GPATCH11: variants seen among roughly 807,000 people sequenced by gnomAD.
GPATCH11 encodes the protein G-patch domain containing 11.
A neutral mutation model predicts 44.8 loss-of-function variants in GPATCH11; 32 were observed. That is an observed-to-expected ratio of 0.71 (90% CI 0.54 to 0.96). The LOEUF is 0.96. GPATCH11 is among the 40% of genes least tolerant of loss of function. The pLI is 0.00. For missense variants in GPATCH11, 324 were observed against 303.1 expected, an observed-to-expected ratio of 1.07 and a Z score of -0.51; for synonymous variants, 84 against 94.4, an observed-to-expected ratio of 0.89 and a Z score of 0.64.
intron 7 of GPATCH11, among the ~76,000 whole-genome samples, chr2:37,094,942 C>CA (rs200157191): frequency 0.02 from 1,333 of 65,380 alleles, 15 homozygotes; most frequent in African/African-American, 0.048. Context: ...CCCTGTCTCA[C>CA]AAAAAAAAAA....
chr2:37,089,178 G>A (rs1673185899), intron 2 of GPATCH11, among the ~76,000 whole-genome samples: 1 of 152,116 alleles, frequency 6.6e-6, no homozygotes, highest in South Asian at 2.1e-4. Context: ...CATTCTTAGA[G>A]GTCACTGATT....
At chr2:37,093,504 TTGAA>T (rs1367454605) in intron 6 of GPATCH11, among the ~76,000 whole-genome samples, 1 of 152,200 alleles carries the variant, frequency 6.6e-6, no homozygotes, top group Non-Finnish European at 1.5e-5. Context: ...TTACTTTACT[TTGAA>T]TGTATTTCAT....
chr2:37,092,427 A>AT (rs934796170), intron 6 of GPATCH11, among the ~76,000 whole-genome samples, 172 bp downstream of exon 6: 1 of 145,050 alleles, frequency 6.9e-6, no homozygotes, highest in Non-Finnish European at 1.5e-5. Context: ...ATATTTATAT[A>AT]TTTTTTACAT....
At position 37,088,355 on chromosome 2, in the gene GPATCH11, T is replaced by TA. The variant is rs1673143883; in HGVS notation, c.-13-13dup. 1.5e-6 allele frequency: 2 copies of TA among 1,330,004 alleles called. No homozygotes were observed. Among genetic ancestry groups the TA allele is most frequent in the Non-Finnish European group, 2.1e-6 (2 of 964,442 alleles). The allele number at this position is 1,330,004 out of a possible 1,614,324, so 82.4% of individuals were successfully genotyped here. On this transcript the variant is annotated splice_polypyrimidine_tract_variant and intron_variant, in intron 1 of 8. Coordinates refer to ENST00000674370, the MANE Select transcript of GPATCH11 (RefSeq NM_174931.4). Reference sequence around the variant, plus strand: ...ATAAACTAAAAAAAAAAGTAATTATTACTTTATTTGTAGATACTATAGCCA... The same window carrying TA: ...ATAAACTAAAAAAAAAAGTAATTATTAACTTTATTTGTAGATACTATAGCCA...
intron 3 of GPATCH11, 22 bp downstream of exon 3, chr2:37,089,888 A>G (rs1673235419): frequency 2.7e-6 from 4 of 1,491,774 alleles, no homozygotes; most frequent in Non-Finnish European, 3.7e-6. Flanking sequence ...GTGGAAATAA[A>G]CAGGTATTCC....
chr2:37,089,733 G>A lies in GPATCH11; in HGVS notation c.153G>A (p.Arg51=). The A allele has an allele frequency of 3.9e-6, 6 of 1,551,882 alleles. No individual in the cohort carries two copies. Among genetic ancestry groups the A allele is most frequent in the Non-Finnish European group, 5.2e-6 (6 of 1,147,048 alleles). Residue 51 remains arginine, a synonymous_variant, in exon 3 of 9, where the codon AGG becomes AGA. Coordinates refer to ENST00000674370, the MANE Select transcript of GPATCH11 (RefSeq NM_174931.4). ...EKQQEANLKN[R]QKSLKEEEQE... is the part of the protein sequence containing the mutation. ...AACAGGAAGCCAATTTGAAAAACAG[G>A]CAGAAGAGTTTAAAAGAAGAAGAAC... is the stretch of plus-strand genomic sequence containing the variant.
At chr2:37,087,208 AC>A (rs1673091757) in intron 1 of GPATCH11, among the ~76,000 whole-genome samples, 1 of 152,198 alleles carries the variant, frequency 6.6e-6, no homozygotes, top group Non-Finnish European at 1.5e-5. Flanking sequence ...GACATAGAGT[AC>A]TATAATTGAC....
chr2:37,096,362 A>C lies in GPATCH11; in HGVS notation c.*99A>C, dbSNP rs1237213022. 7 of 702,078 alleles carry C rather than the reference A, an allele frequency of 1.0e-5. No homozygotes were observed. Among genetic ancestry groups the C allele is most frequent in the Middle Eastern group, 3.7e-4 (1 of 2,676 alleles). The allele number at this position is 702,078 out of a possible 1,614,324, so 43.5% of individuals were successfully genotyped here. A position where few individuals can be genotyped will look rare whatever the true frequency, so the allele number is the denominator to read the frequency against. On this transcript the variant is annotated 3_prime_UTR_variant, in exon 9 of 9. Transcript: ENST00000674370. ...TCTCAAATTTTTTATGCCAGTAAAG[A>C]AAGGGGGACTTTATATAATGTTTTG...
At chr2:37,094,437 C>A in intron 7 of GPATCH11, 1 of 317,390 alleles carries the variant, frequency 3.2e-6, no homozygotes. Flanking sequence ...TACTGCATTG[C>A]AGGATTACTT....
At chr2:37,095,894 A>G (rs533133222) in intron 8 of GPATCH11, among the ~76,000 whole-genome samples, 7 of 152,314 alleles carry the variant, frequency 4.6e-5, no homozygotes, top group Admixed American at 1.3e-4. Context: ...CCTAAACCGT[A>G]AAAATCAGAT....
At chr2:37,085,741 T>A (rs559786459) in intron 1 of GPATCH11, among the ~76,000 whole-genome samples, 1 of 152,244 alleles carries the variant, frequency 6.6e-6, no homozygotes, top group Admixed American at 6.5e-5. Flanking sequence ...ATGTAGCAGC[T>A]TAAGATAACT....
Position 37,084,537 on chromosome 2 carries a change from C to A in GPATCH11, c.-47C>A, listed in dbSNP as rs993077165. ...GGGCGCATGCGCAGCGCGCGCTCTA[C>A]GGCGCTGAACCGGGGCGAGCAGAGA... On this transcript the variant is annotated 5_prime_UTR_variant, in exon 1 of 9. Transcript: ENST00000674370. 1 of 1,232,498 alleles carries A rather than the reference C, an allele frequency of 8.1e-7. No individual in the cohort carries two copies. Among genetic ancestry groups the A allele is most frequent in the African/African-American group, 1.6e-5 (1 of 64,450 alleles). The allele number at this position is 1,232,498 out of a possible 1,614,324, so 76.3% of individuals were successfully genotyped here.
chr2:37,088,124 G>C (rs537192648), intron 1 of GPATCH11, among the ~76,000 whole-genome samples: 1 of 152,290 alleles, frequency 6.6e-6, no homozygotes, highest in Admixed American at 6.5e-5. Flanking sequence ...AGCTTCATAA[G>C]AGGTCAGGAA....
rs938675200 is a variant in GPATCH11, at chr2:37,092,893, C to T, written c.540+638C>T. 2.0e-5 allele frequency among the ~76,000 whole-genome samples: 3 copies of T among 152,094 alleles called. No homozygotes were observed. The South Asian group carries it at 6.2e-4, about 32-fold the overall frequency. ...AGGCATGATGGCTCAATCCTGTAAT[C>T]CTAGCACTTTGGGAGGCAAAGGCAG... On this transcript the variant is annotated intron_variant, in intron 6 of 8. Transcript: ENST00000674370.
chr2:37,088,524 T>G, intron 2 of GPATCH11, 84 bp downstream of exon 2: 1 of 759,308 alleles, frequency 1.3e-6, no homozygotes, highest in Admixed American at 2.7e-5. Flanking sequence ...TTATTTTATT[T>G]TATTTTTTTG....
intron 7 of GPATCH11, 101 bp from the exon 8 acceptor site, chr2:37,095,336 C>G: frequency 2.9e-6 from 4 of 1,356,648 alleles, no homozygotes; most frequent in Non-Finnish European, 3.9e-6. Flanking sequence ...CAGAGTATAG[C>G]AGAATATTTA....
At position 37,089,693 on chromosome 2, in the gene GPATCH11, G is replaced by A. The variant is rs746377762; in HGVS notation, c.113G>A (p.Arg38Gln). The change falls in exon 3 of 9, where the codon CGA (arginine) becomes CAA (glutamine). Residue 38 changes from arginine (R) to glutamine (Q), a missense_variant. Transcript: ENST00000674370. Reference sequence around the variant, plus strand: ...CTAAGGCAAATCCGAGAAGCCCGTCGAAAAGAAGAAAAGCAACAGGAAGCC... The same window carrying A: ...CTAAGGCAAATCCGAGAAGCCCGTCAAAAAGAAGAAAAGCAACAGGAAGCC... Reference protein sequence around the residue: ...PMLRQIREARRKEEKQQEANL... With the variant: ...PMLRQIREARQKEEKQQEANL... 2.6e-5 allele frequency: 41 copies of A among 1,551,506 alleles called. No homozygotes were observed. Among genetic ancestry groups the A allele is most frequent in the Admixed American group, 7.8e-5 (4 of 50,972 alleles).
At chr2:37,087,183 C>T (rs1673089909) in intron 1 of GPATCH11, among the ~76,000 whole-genome samples, 1 of 152,178 alleles carries the variant, frequency 6.6e-6, no homozygotes, top group Non-Finnish European at 1.5e-5. Context: ...TGGGTCATCT[C>T]GTCCCCTGGT....
Position 37,096,231 on chromosome 2 carries a change from T to C in GPATCH11, c.760T>C (p.Cys254Arg). ...AGATAAAGAAGACCTATCTTCAAAT[T>C]GTCCAGGACCAACTTCTGCAGATCA... is the stretch of plus-strand genomic sequence containing the variant. ...YEDKEDLSSN[C>R]PGPTSADHD The change falls in exon 9 of 9, where the codon TGT becomes CGT. Residue 254 changes from cysteine to arginine, a missense_variant. Physicochemically the swap from Cys to Arg is radical, Grantham distance 180. Coordinates refer to ENST00000674370, the MANE Select transcript of GPATCH11 (RefSeq NM_174931.4). 1 of 1,588,458 alleles carries C rather than the reference T, an allele frequency of 6.3e-7. No individual in the cohort carries two copies. Among genetic ancestry groups the C allele is most frequent in the Non-Finnish European group, 8.6e-7 (1 of 1,166,684 alleles).
Sources: gnomAD v4.1 joint callset for allele counts (sites outside exome capture counted in the v4.1 genomes callset) on GRCh38, gnomAD v4.1.1 for gene constraint, MANE v1.5 for transcripts, NCBI Gene and HGNC (gene_info 2026-07-23, HGNC 2026-07-21) for gene names.